The following KCMF1 variants were observed in gnomAD, a reference collection of about 807,000 sequenced individuals.
The protein encoded by KCMF1 is potassium channel modulatory factor 1.
KCMF1 carries 3 observed loss-of-function variants against 41.1 expected under a neutral mutation model. That is an observed-to-expected ratio of 0.07 (90% CI 0.03 to 0.19). The LOEUF is 0.19. Among genes scored for constraint, KCMF1 ranks in the 10% least tolerant of loss-of-function variants. The pLI, the probability that KCMF1 is intolerant of heterozygous loss-of-function variation, is 1.00. For missense variants in KCMF1, 286 were observed against 488.9 expected (o/e 0.58, Z 3.91); for synonymous variants, 142 against 164.5 (o/e 0.86, Z 1.04).
intron 1 of KCMF1, among the ~76,000 whole-genome samples, chr2:85,021,579 G>A (rs146511570): frequency 0.011 from 1,600 of 151,334 alleles, 21 homozygotes; most frequent in African/African-American, 0.036. Flanking sequence ...CCAAGATTGC[G>A]CCACTGCACT....
At chr2:84,974,244 G>T (rs1224292967) in intron 1 of KCMF1, among the ~76,000 whole-genome samples, 2 of 152,160 alleles carry the variant, frequency 1.3e-5, no homozygotes, top group African/African-American at 4.8e-5. Flanking sequence ...TAATAGTCTG[G>T]TAAAAGGTTT....
Position 85,055,498 on chromosome 2 carries a change from C to T in KCMF1, c.*2089C>T, listed in dbSNP as rs1675905623. ...GGAACAACTGTAAGTCCATTCAGAG[C>T]AGTTTAATTTAGATGATCACTTTTA... On this transcript the variant is annotated 3_prime_UTR_variant, in exon 7 of 7. Coordinates refer to ENST00000409785, the MANE Select transcript of KCMF1 (RefSeq NM_020122.5). The T allele has an allele frequency of 6.6e-6, 1 of 152,114 alleles. No individual in the cohort carries two copies. The highest frequency in any genetic ancestry group is 6.5e-5 in the Admixed American group (1 of 15,272). The allele number at this position is 152,114 out of a possible 1,614,324, so 9.4% of individuals were successfully genotyped here. A position where few individuals can be genotyped will look rare whatever the true frequency, so the allele number is the denominator to read the frequency against.
At chr2:84,975,105 A>G (rs1673511536) in intron 1 of KCMF1, among the ~76,000 whole-genome samples, 1 of 152,154 alleles carries the variant, frequency 6.6e-6, no homozygotes, top group Non-Finnish European at 1.5e-5. Context: ...TTCGGGCTAT[A>G]TAAAAGCTGG....
At chr2:85,046,486 C>T (rs1675670503) in intron 5 of KCMF1, among the ~76,000 whole-genome samples, 1 of 151,910 alleles carries the variant, frequency 6.6e-6, no homozygotes, top group African/African-American at 2.4e-5. Flanking sequence ...AAAAATTAGC[C>T]AGATTTGGTG....
At position 84,982,389 on chromosome 2, in the gene KCMF1, C is replaced by CTTTTTTTTTTTTTTTTTTTT. The variant is rs34687477; in HGVS notation, c.16+10936_16+10955dup. Among the ~76,000 whole-genome samples the CTTTTTTTTTTTTTTTTTTTT allele has an allele frequency of 9.1e-4, 43 of 47,266 alleles. 9 individuals are homozygous for CTTTTTTTTTTTTTTTTTTTT. Among genetic ancestry groups the CTTTTTTTTTTTTTTTTTTTT allele is most frequent in the African/African-American group, 3.3e-3 (37 of 11,240 alleles). The allele number at this position is 47,266 out of a possible 152,430, so 31.0% of individuals were successfully genotyped here. A position where few individuals can be genotyped will look rare whatever the true frequency, so the allele number is the denominator to read the frequency against. On this transcript the variant is annotated intron_variant, in intron 1 of 6. Transcript: ENST00000409785. Reference sequence around the variant, plus strand: ...GAGTTACAGATGTGTTCCTTATTTTCTTTTTTTTTTTTTTTTTTTTTTTTT... The same window carrying CTTTTTTTTTTTTTTTTTTTT: ...GAGTTACAGATGTGTTCCTTATTTTCTTTTTTTTTTTTTTTTTTTTTTTTTTTTTTTTTTTTTTTTTTTTT...
chr2:85,008,601 C>T (rs191566802), intron 1 of KCMF1, among the ~76,000 whole-genome samples: 11 of 151,250 alleles, frequency 7.3e-5, no homozygotes, highest in African/African-American at 2.4e-4. Flanking sequence ...ATGAAAACGA[C>T]ACTTGTTTAC....
In KCMF1 at chr2:85,055,297, A is replaced by AT. The variant is rs1675901508; in HGVS notation, c.*1892dup. 2.0e-5 allele frequency: 3 copies of AT among 152,326 alleles called. No individual in the cohort carries two copies. Among genetic ancestry groups the AT allele is most frequent in the East Asian group, 1.9e-4 (1 of 5,184 alleles). The allele number at this position is 152,326 out of a possible 1,614,324, so 9.4% of individuals were successfully genotyped here. A position where few individuals can be genotyped will look rare whatever the true frequency, so the allele number is the denominator to read the frequency against. On this transcript the variant is annotated 3_prime_UTR_variant, in exon 7 of 7. Transcript: ENST00000409785. Reference sequence around the variant, plus strand: ...GGATTAACCTAACCATTACTCTGAGATTTTATATCTCTAATCCAGTATTTT... The same window carrying AT: ...GGATTAACCTAACCATTACTCTGAGATTTTTATATCTCTAATCCAGTATTTT...
rs1342713359 is a variant in KCMF1 at position 85,026,219 on chromosome 2, G to T, written c.17-1670G>T. Among the ~76,000 whole-genome samples the T allele has an allele frequency of 2.0e-5, 3 of 152,048 alleles. No homozygotes were observed. The East Asian group carries it at 5.8e-4, about 29-fold the overall frequency. On this transcript the variant is annotated intron_variant, in intron 1 of 6. Transcript: ENST00000409785. ...TTGGTCAGGGTGGTCTTGAACTCCT[G>T]ACCTCAGGTGATCCGCCCACCTCAG...
rs1178504248 is a variant in KCMF1 at position 85,029,677 on chromosome 2, A to AT, written c.184+1641dup. 9.6e-3 allele frequency among the ~76,000 whole-genome samples: 1,249 copies of AT among 130,672 alleles called. 32 individuals are homozygous for AT. The highest frequency in any genetic ancestry group is 0.023 in the African/African-American group (797 of 34,582). The allele number at this position is 130,672 out of a possible 152,430, so 85.7% of individuals were successfully genotyped here. ...AAATATATAAATGTTTCATGCTATA[A>AT]TTTTTTTTTTTTTTTTTTTTGAGAC... On this transcript the variant is annotated intron_variant, in intron 2 of 6. Transcript: ENST00000409785.
intron 1 of KCMF1, among the ~76,000 whole-genome samples, chr2:85,000,565 C>T (rs1674302799): frequency 6.6e-6 from 1 of 152,140 alleles, no homozygotes; most frequent in South Asian, 2.1e-4. Flanking sequence ...GCAGTCTGAT[C>T]AGGTACAGTG....
In KCMF1 at chr2:85,057,115, T is replaced by G. The variant is rs902382987; in HGVS notation, c.*3706T>G. ...TCGCTTGAACCTGGGAGGCAGAGGT[T>G]GCAGTGAGCTGAGATCACGCCGCCA... is the stretch of plus-strand genomic sequence containing the variant. On this transcript the variant is annotated 3_prime_UTR_variant, in exon 7 of 7. Coordinates refer to ENST00000409785, the MANE Select transcript of KCMF1 (RefSeq NM_020122.5). 2.0e-5 allele frequency: 3 copies of G among 151,556 alleles called. No individual in the cohort carries two copies. The highest frequency in any genetic ancestry group is 1.3e-4 in the Admixed American group (2 of 15,188). The allele number at this position is 151,556 out of a possible 1,614,324, so 9.4% of individuals were successfully genotyped here.
At chr2:85,001,694 A>G (rs1270730833) in intron 1 of KCMF1, among the ~76,000 whole-genome samples, 2 of 152,038 alleles carry the variant, frequency 1.3e-5, no homozygotes, top group East Asian at 3.8e-4. Context: ...TGTGGGTGAT[A>G]CCTCCCAGTT....
intron 6 of KCMF1, among the ~76,000 whole-genome samples, chr2:85,051,553 T>G (rs1675809009): frequency 6.6e-6 from 1 of 152,194 alleles, no homozygotes; most frequent in Non-Finnish European, 1.5e-5. Context: ...TGGATTCTGG[T>G]TGTAGCTTCT....
intron 1 of KCMF1, among the ~76,000 whole-genome samples, chr2:84,991,768 C>T (rs924999981): frequency 5.3e-5 from 8 of 152,194 alleles, no homozygotes; most frequent in Non-Finnish European, 8.8e-5. Flanking sequence ...TCCTCCCCAG[C>T]CCCCTTTCAT....
At chr2:85,005,244 G>C (rs766107692) in intron 1 of KCMF1, among the ~76,000 whole-genome samples, 4 of 149,872 alleles carry the variant, frequency 2.7e-5, no homozygotes, top group Non-Finnish European at 5.9e-5. Context: ...ATAATTATAC[G>C]TATTTCTAGG....
In KCMF1 at chr2:85,000,007, T is replaced by C. The variant is rs1159948041; in HGVS notation, c.17-27882T>C. Among the ~76,000 whole-genome samples the C allele has an allele frequency of 4.6e-5, 7 of 151,294 alleles. No individual in the cohort carries two copies. In the East Asian group the frequency reaches 5.9e-4, roughly 13 times the overall value. ...AGAAAAAGAAACAGGAATAGATGTG[T>C]GGTAGACTTCAGGGGACATTAAAAA... On this transcript the variant is annotated intron_variant, in intron 1 of 6. Coordinates refer to ENST00000409785, the MANE Select transcript of KCMF1 (RefSeq NM_020122.5).
At chr2:84,993,906 TG>T (rs1281811591) in intron 1 of KCMF1, among the ~76,000 whole-genome samples, 7 of 1,002 alleles carry the variant, frequency 7.0e-3, no homozygotes, top group Non-Finnish European at 0.021. Context: ...GAACATTTTT[TG>T]TTTTGTTTTG....
Position 85,056,261 on chromosome 2 carries a change from G to A in KCMF1, c.*2852G>A, listed in dbSNP as rs936186753. ...AGTAGGATAGCAGATTACACTATTAGAAATAATAGACGTAACAAAAAAAAT... is the reference window on the plus strand; with the variant it reads ...AGTAGGATAGCAGATTACACTATTAAAAATAATAGACGTAACAAAAAAAAT... On this transcript the variant is annotated 3_prime_UTR_variant, in exon 7 of 7. Coordinates refer to ENST00000409785, the MANE Select transcript of KCMF1 (RefSeq NM_020122.5). The A allele has an allele frequency of 6.6e-6, 1 of 151,976 alleles. No homozygotes were observed. The highest frequency in any genetic ancestry group is 1.5e-5 in the Non-Finnish European group (1 of 68,002). 9.4% of individuals were successfully genotyped at this position (151,976 alleles called of 1,614,324 possible).
intron 1 of KCMF1, among the ~76,000 whole-genome samples, chr2:84,988,488 C>T (rs181479284): frequency 7.3e-4 from 111 of 152,234 alleles, no homozygotes; most frequent in Middle Eastern, 3.4e-3. Flanking sequence ...TAAGTACCTT[C>T]CCTAAGATGG....
Sources: gnomAD v4.1 joint callset for allele counts (sites outside exome capture counted in the v4.1 genomes callset) on GRCh38, gnomAD v4.1.1 for gene constraint, MANE v1.5 for transcripts, NCBI Gene and HGNC (gene_info 2026-07-23, HGNC 2026-07-21) for gene names.